DNAJB4: variants seen among roughly 807,000 people sequenced by gnomAD.
DNAJB4 encodes DnaJ heat shock protein family (Hsp40) member B4.
DNAJB4 carries 10 observed loss-of-function variants against 26.6 expected under a neutral mutation model. The ratio of observed to expected loss-of-function variants is 0.38; its 90% CI spans 0.23 to 0.64. The LOEUF (loss-of-function observed/expected upper bound fraction) is 0.64. Among genes scored for constraint, DNAJB4 ranks in the 30% least tolerant of loss-of-function variants. The pLI is 0.58. For missense variants in DNAJB4, 328 were observed against 408.2 expected (o/e 0.80, Z 1.69); for synonymous variants, 136 against 134.8 (o/e 1.01, Z -0.06).
At chr1:77,989,512 T>G (rs1434312246) in intron 1 of DNAJB4, among the ~76,000 whole-genome samples, 1 of 152,208 alleles carries the variant, frequency 6.6e-6, no homozygotes. Context: ...CAATTCTATC[T>G]ACCTCATAGA....
intron 1 of DNAJB4, among the ~76,000 whole-genome samples, chr1:77,996,312 C>T (rs1355247579): frequency 6.6e-6 from 1 of 152,034 alleles, no homozygotes; most frequent in Non-Finnish European, 1.5e-5. Context: ...TGCCACCATG[C>T]CTGGCTGATT....
At chr1:77,981,250 C>T (rs549855830) in intron 1 of DNAJB4, 2 of 151,216 alleles carry the variant, frequency 1.3e-5, no homozygotes, top group South Asian at 2.1e-4. Flanking sequence ...ACCTCAGCCT[C>T]CCAGGTTCAA....
At chr1:77,983,824 T>C (rs1243453681) in intron 1 of DNAJB4, among the ~76,000 whole-genome samples, 20 of 152,216 alleles carry the variant, frequency 1.3e-4, no homozygotes, top group Admixed American at 1.3e-3. Context: ...TGATCTCTCT[T>C]GCTTTTCCCC....
rs766243388 is a variant in DNAJB4 at position 78,005,279 on chromosome 1, G to A, written c.169G>A (p.Asp57Asn). 1 of 1,613,812 alleles carries A rather than the reference G, an allele frequency of 6.2e-7. No homozygotes were observed. The highest frequency in any genetic ancestry group is 8.5e-7 in the Non-Finnish European group (1 of 1,179,926). The change falls in exon 1 of 3, where the codon GAT (aspartate) becomes AAT (asparagine). Residue 57 changes from aspartate (D) to asparagine (N), a missense_variant. Physicochemically the swap from Asp to Asn is conservative, Grantham distance 23. Coordinates refer to ENST00000370763, the MANE Select transcript of DNAJB4 (RefSeq NM_007034.5). ...CGCAGAAGCTTATGAAGTATTGAGTGATCCTAAAAAGAGAGAAATATATGA... is the reference window on the plus strand; with the variant it reads ...CGCAGAAGCTTATGAAGTATTGAGTAATCCTAAAAAGAGAGAAATATATGA... The part of the protein sequence containing the change: ...EVAEAYEVLS[D>N]PKKREIYDQF...
At chr1:77,993,552 T>G (rs979609783) in intron 1 of DNAJB4, among the ~76,000 whole-genome samples, 2 of 152,202 alleles carry the variant, frequency 1.3e-5, no homozygotes, top group Non-Finnish European at 2.9e-5. Flanking sequence ...CTGACCTCAA[T>G]TGATCCGCCC....
intron 2 of DNAJB4, among the ~76,000 whole-genome samples, chr1:78,014,850 C>T (rs1331033421): frequency 6.6e-6 from 1 of 152,168 alleles, no homozygotes; most frequent in Non-Finnish European, 1.5e-5. Flanking sequence ...ATCCGCCCAC[C>T]TCGGCCTCCC....
At chr1:77,989,705 C>T (rs1050845709) in intron 1 of DNAJB4, among the ~76,000 whole-genome samples, 1 of 152,140 alleles carries the variant, frequency 6.6e-6, no homozygotes, top group African/African-American at 2.4e-5. Flanking sequence ...TTTTTGGACA[C>T]TAGTGGTGTC....
At chr1:77,979,938 A>G (rs1358792051), upstream of DNAJB4, among the ~76,000 whole-genome samples, 1 of 151,928 alleles carries the variant, frequency 6.6e-6, no homozygotes, top group East Asian at 1.9e-4. Context: ...GCTGGAGTGC[A>G]GTGGCGCGGT....
At chr1:78,009,838 C>A (rs1439230796) in intron 1 of DNAJB4, among the ~76,000 whole-genome samples, 1 of 152,152 alleles carries the variant, frequency 6.6e-6, no homozygotes, top group Admixed American at 6.5e-5. Context: ...GTTGGTCAGG[C>A]TGATCTCGAA....
chr1:77,995,111 T>A (rs543734420), intron 1 of DNAJB4, among the ~76,000 whole-genome samples: 5 of 152,350 alleles, frequency 3.3e-5, no homozygotes, highest in South Asian at 2.1e-4. Flanking sequence ...GTAAAATACA[T>A]GCTGTATTTC....
Position 78,017,847 on chromosome 1 carries a change from C to G in DNAJB4, c.*1600C>G, listed in dbSNP as rs1660683093. The G allele has an allele frequency of 6.8e-6, 1 of 147,028 alleles. No homozygotes were observed. Among genetic ancestry groups the G allele is most frequent in the Non-Finnish European group, 1.5e-5 (1 of 66,944 alleles). 9.1% of individuals were successfully genotyped at this position (147,028 alleles called of 1,614,324 possible). On this transcript the variant is annotated 3_prime_UTR_variant, in exon 3 of 3. Coordinates refer to ENST00000370763, the MANE Select transcript of DNAJB4 (RefSeq NM_007034.5). ...ATCTATGTTGTATCACGTATCAGTA[C>G]TTTATTTTTTGTGTGGCACGTCATA...
intron 1 of DNAJB4, among the ~76,000 whole-genome samples, chr1:77,991,509 G>C (rs1659931161): frequency 6.6e-6 from 1 of 152,150 alleles, no homozygotes; most frequent in Non-Finnish European, 1.5e-5. Flanking sequence ...CACCTTGGGA[G>C]GCTGAGGCAG....
rs1660473413 is a variant in DNAJB4, at chr1:78,011,541, A to G, written c.212-1510A>G. 2.7e-5 allele frequency among the ~76,000 whole-genome samples: 4 copies of G among 148,614 alleles called. No homozygotes were observed. In the South Asian group the frequency reaches 6.3e-4, roughly 23 times the overall value. ...CTCCTGTTGCCCAGGCCGGAGTGCAATGGTGCAGTCTTGGCTCACTGTAAC... is the reference window on the plus strand; with the variant it reads ...CTCCTGTTGCCCAGGCCGGAGTGCAGTGGTGCAGTCTTGGCTCACTGTAAC... On this transcript the variant is annotated intron_variant, in intron 1 of 2. Coordinates refer to ENST00000370763, the MANE Select transcript of DNAJB4 (RefSeq NM_007034.5).
chr1:78,012,110 CAGTAGTTTAT>C, intron 1 of DNAJB4, among the ~76,000 whole-genome samples: 1 of 26,710 alleles, frequency 3.7e-5, no homozygotes, highest in Non-Finnish European at 8.7e-5. Flanking sequence ...CATGCCAGAT[CAGTAGTTTAT>C]AAGGAGTTCC....
At chr1:78,010,951 A>C (rs1190842768) in intron 1 of DNAJB4, among the ~76,000 whole-genome samples, 1 of 152,240 alleles carries the variant, frequency 6.6e-6, no homozygotes, top group Non-Finnish European at 1.5e-5. Context: ...ATGCATGAGC[A>C]GTGCAAAATA....
At chr1:78,006,282 CTA>C (rs1317395680) in intron 1 of DNAJB4, among the ~76,000 whole-genome samples, 1 of 152,082 alleles carries the variant, frequency 6.6e-6, no homozygotes, top group Non-Finnish European at 1.5e-5. Flanking sequence ...TGAAGTAAGA[CTA>C]TTTTAAATTG....
intron 1 of DNAJB4, among the ~76,000 whole-genome samples, chr1:77,987,102 A>G (rs1488799589): frequency 2.6e-5 from 4 of 152,218 alleles, no homozygotes; most frequent in African/African-American, 9.7e-5. Flanking sequence ...TAGAATAATT[A>G]GGATTCATCT....
In DNAJB4 at chr1:78,017,403, A is replaced by ATC. The variant is rs1480197766; in HGVS notation, c.*1157_*1158insCT. On this transcript the variant is annotated 3_prime_UTR_variant, in exon 3 of 3. Transcript: ENST00000370763. ...TATAAAATAGTTTTCAGGATTATAT[A>ATC]TATATATACTGGATCCTATCGCCTT... The ATC allele has an allele frequency of 6.6e-6, 1 of 151,972 alleles. No homozygotes were observed. The highest frequency in any genetic ancestry group is 1.9e-4 in the East Asian group (1 of 5,200). The allele number at this position is 151,972 out of a possible 1,614,324, so 9.4% of individuals were successfully genotyped here.
upstream of DNAJB4, chr1:78,004,872 T>TG: frequency 2.0e-6 from 1 of 499,860 alleles, no homozygotes; most frequent in Non-Finnish European, 3.6e-6. Flanking sequence ...GTAGTGAAAA[T>TG]GGGAGGATCT....
Sources: allele counts gnomAD v4.1 joint callset (sites outside exome capture counted in the v4.1 genomes callset), GRCh38; gene constraint gnomAD v4.1.1; transcripts MANE v1.5; gene names NCBI Gene and HGNC (gene_info 2026-07-23, HGNC 2026-07-21).